Variants in CECR2 observed in about 807,000 individuals in gnomAD.
CECR2 encodes CECR2 histone acetyl-lysine reader, also known as chromatin remodeling regulator CECR2.
Under a neutral mutation model 154.5 loss-of-function variants are expected in CECR2, and 30 were observed. The observed-to-expected ratio is 0.19, with a 90% CI of 0.15 to 0.26. The LOEUF (loss-of-function observed/expected upper bound fraction) is 0.26. Among genes scored for constraint, CECR2 ranks in the 10% least tolerant of loss-of-function variants. The pLI, the probability that CECR2 is intolerant of heterozygous loss-of-function variation, is 1.00. For synonymous variants in CECR2, 725 were observed against 683.7 expected (o/e 1.06, Z -0.94); for missense variants, 1,743 against 1,829.3 (o/e 0.95, Z 0.86).
intron 1 of CECR2, among the ~76,000 whole-genome samples, chr22:17,472,509 G>A (rs982743893): frequency 6.6e-6 from 1 of 152,126 alleles, no homozygotes; most frequent in African/African-American, 2.4e-5. Flanking sequence ...GTAGTAGTTG[G>A]TCCCCGTGCA....
rs1223636581 is a variant in CECR2, at chr22:17,383,770, T to G, written c.126+13861T>G. Reference sequence around the variant, plus strand: ...AACTCCGCTTCCTGGGTTCAAGCAATTCTCCTCCCTCAGCCTCCCGAGTAG... The same window carrying G: ...AACTCCGCTTCCTGGGTTCAAGCAAGTCTCCTCCCTCAGCCTCCCGAGTAG... On this transcript the variant is annotated intron_variant, in intron 1 of 18. Coordinates refer to ENST00000262608, the MANE Select transcript of CECR2 (RefSeq NM_001290047.2). Among the ~76,000 whole-genome samples, 3 of 148,764 alleles carry G rather than the reference T, an allele frequency of 2.0e-5. No homozygotes were observed. In the Admixed American group the frequency reaches 2.1e-4, roughly 10 times the overall value.
At chr22:17,531,294 A>G (rs894134517) in intron 9 of CECR2, among the ~76,000 whole-genome samples, 1 of 152,230 alleles carries the variant, frequency 6.6e-6, no homozygotes, top group African/African-American at 2.4e-5. Flanking sequence ...TGCTAGCACT[A>G]TGAAGGCAGG....
intron 1 of CECR2, among the ~76,000 whole-genome samples, chr22:17,382,463 A>G (rs1385143531): frequency 1.3e-5 from 2 of 152,200 alleles, no homozygotes; most frequent in Non-Finnish European, 2.9e-5. Context: ...GTTCCAGACT[A>G]TTGCCATAAG....
In CECR2 at chr22:17,481,019, G is replaced by A. The variant is rs547089327; in HGVS notation, c.221+3337G>A. On this transcript the variant is annotated intron_variant, in intron 2 of 18. Transcript: ENST00000262608. ...CGCACCATTGCACTCCAGCGTGGGC[G>A]AAAGAGTGAGACTCCATCTCTTTTT... Among the ~76,000 whole-genome samples, 7 of 131,060 alleles carry A rather than the reference G, an allele frequency of 5.3e-5. No individual in the cohort carries two copies. The East Asian group carries it at 6.4e-4, about 12-fold the overall frequency. 86.0% of individuals were successfully genotyped at this position (131,060 alleles called of 152,430 possible). A position where few individuals can be genotyped will look rare whatever the true frequency, so the allele number is the denominator to read the frequency against.
At chr22:17,476,233 G>A (rs1378930183) in intron 1 of CECR2, among the ~76,000 whole-genome samples, 10 of 150,806 alleles carry the variant, frequency 6.6e-5, no homozygotes, top group African/African-American at 1.7e-4. Flanking sequence ...CTCCCATAGC[G>A]TGTTTTCTGT....
In CECR2 at chr22:17,499,399, G is replaced by C; in HGVS notation, c.406-11G>C. 6.2e-7 allele frequency: 1 copy of C among 1,604,498 alleles called. No individual in the cohort carries two copies. Among genetic ancestry groups the C allele is most frequent in the Non-Finnish European group, 8.5e-7 (1 of 1,177,358 alleles). ...CCATTTCCCCAAACCCCTTTTCCGT[G>C]CTCTGTGTAGGGCCTGGATGCAGAC... is the stretch of plus-strand genomic sequence containing the variant. On this transcript the variant is annotated splice_polypyrimidine_tract_variant and intron_variant, in intron 3 of 18. Transcript: ENST00000262608.
At position 17,548,244 on chromosome 22, in the gene CECR2, AGACT is replaced by A; in HGVS notation, c.2963_2966del (p.Asp988AlafsTer31). ...CTACCTCACCCCACACCTCCCCTGC[AGACT>A]GACTGCACCAGGCAGAGCTCACCAC... On this transcript the variant is annotated frameshift_variant, in exon 17 of 19. Coordinates refer to ENST00000262608, the MANE Select transcript of CECR2 (RefSeq NM_001290047.2). LOFTEE classifies it high-confidence loss of function. 6.2e-7 allele frequency: 1 copy of A among 1,601,214 alleles called. No homozygotes were observed. Among genetic ancestry groups the A allele is most frequent in the Non-Finnish European group, 8.5e-7 (1 of 1,173,960 alleles).
chr22:17,480,281 A>T (rs559078600), intron 2 of CECR2, among the ~76,000 whole-genome samples: 1 of 152,260 alleles, frequency 6.6e-6, no homozygotes, highest in East Asian at 1.9e-4. Context: ...AAAACCACAA[A>T]AAGTGTAATC....
In CECR2 at chr22:17,552,906, G is replaced by A. The variant is rs544708810; in HGVS notation, c.*66G>A. ...ACGAAGACTGGAATGTGGAGAACTG[G>A]GGAGTGCCCTGTCAGCTCTATTCCC... On this transcript the variant is annotated 3_prime_UTR_variant, in exon 19 of 19. Transcript: ENST00000262608. 9.7e-6 allele frequency: 15 copies of A among 1,539,688 alleles called. No homozygotes were observed. Among genetic ancestry groups the A allele is most frequent in the African/African-American group, 1.4e-5 (1 of 72,104 alleles).
chr22:17,467,306 C>G (rs971527294), intron 1 of CECR2, among the ~76,000 whole-genome samples: 11 of 152,146 alleles, frequency 7.2e-5, no homozygotes, highest in African/African-American at 2.4e-4. Flanking sequence ...ACAATCGGAA[C>G]ACGTGTGAGA....
In CECR2 at chr22:17,524,155, G is replaced by T. The variant is rs138101258; in HGVS notation, c.992G>T (p.Arg331Leu). The T allele has an allele frequency of 1.4e-5, 23 of 1,601,540 alleles. No individual in the cohort carries two copies. Among genetic ancestry groups the T allele is most frequent in the East Asian group, 2.2e-5 (1 of 44,524 alleles). ...PVLTRIEKQK[R>L]KEEEEERQIL... ...CTGACCAGAATAGAAAAACAAAAGC[G>T]CAAAGAGGAGGAAGAAGAGCGTCAG... The change falls in exon 9 of 19, where the codon CGC becomes CTC. Residue 331 changes from arginine to leucine, a missense_variant. Transcript: ENST00000262608.
intron 1 of CECR2, among the ~76,000 whole-genome samples, chr22:17,411,744 G>T (rs2054070928): frequency 6.6e-6 from 1 of 152,024 alleles, no homozygotes; most frequent in African/African-American, 2.4e-5. Context: ...AACATTTTAG[G>T]AAATTGAGAG....
chr22:17,511,846 C>A lies in CECR2; in HGVS notation c.904C>A (p.His302Asn), dbSNP rs750763487. The change falls in exon 8 of 19, where the codon CAT becomes AAT. Residue 302 changes from histidine to asparagine, a missense_variant. Coordinates refer to ENST00000262608, the MANE Select transcript of CECR2 (RefSeq NM_001290047.2). ...KRPQRTKAEL[H>N]PRWMSDHLSI... ...TCCACAGCGCACAAAGGCAGAGTTG[C>A]ATCCTAGGTGGATGTCTGACCACCT... The A allele has an allele frequency of 6.2e-7, 1 of 1,612,024 alleles. No individual in the cohort carries two copies. The highest frequency in any genetic ancestry group is 1.1e-5 in the South Asian group (1 of 90,664).
intron 9 of CECR2, among the ~76,000 whole-genome samples, chr22:17,529,076 A>C (rs1446681069): frequency 6.6e-6 from 1 of 152,166 alleles, no homozygotes; most frequent in Admixed American, 6.5e-5. Flanking sequence ...AGCCTGGGTG[A>C]TAGAGCAAAA....
At chr22:17,364,798 G>C (rs1391709902), upstream of CECR2, among the ~76,000 whole-genome samples, 1 of 152,170 alleles carries the variant, frequency 6.6e-6, no homozygotes, top group East Asian at 1.9e-4. Flanking sequence ...CTGCACTCCA[G>C]CCTCGGCAAC....
rs1365148528 is a variant in CECR2, at chr22:17,554,249, G to GA, written c.*1415dup. 6 of 152,078 alleles carry GA rather than the reference G, an allele frequency of 3.9e-5. No homozygotes were observed. Among genetic ancestry groups the GA allele is most frequent in the African/African-American group, 1.2e-4 (5 of 41,420 alleles). 9.4% of individuals were successfully genotyped at this position (152,078 alleles called of 1,614,324 possible). A position where few individuals can be genotyped will look rare whatever the true frequency, so the allele number is the denominator to read the frequency against. On this transcript the variant is annotated 3_prime_UTR_variant, in exon 19 of 19. Transcript: ENST00000262608. Reference sequence around the variant, plus strand: ...TTAAACTTTTGAATATTCCACAAAAGAAAAAACTAAGGAAAATACTGAAAT... The same window carrying GA: ...TTAAACTTTTGAATATTCCACAAAAGAAAAAAACTAAGGAAAATACTGAAAT...
chr22:17,500,717 A>C lies in CECR2; in HGVS notation c.632A>C (p.Gln211Pro). 1 of 1,553,832 alleles carries C rather than the reference A, an allele frequency of 6.4e-7. No individual in the cohort carries two copies. Among genetic ancestry groups the C allele is most frequent in the East Asian group, 2.4e-5 (1 of 41,258 alleles). ...AGACCCCCAAAACGGAAGAAACTGC[A>C]GGAGGAGATTCTGTTGAGGTAAGAA... is the stretch of plus-strand genomic sequence containing the variant. ...RGRPPKRKKL[Q>P]EEILLSEKQE... Residue 211 changes from glutamine (Q) to proline (P), a missense_variant, in exon 5 of 19, where the codon CAG (glutamine) becomes CCG (proline). Physicochemically the swap from Gln to Pro is moderately conservative, Grantham distance 76 (BLOSUM62 -1). Coordinates refer to ENST00000262608, the MANE Select transcript of CECR2 (RefSeq NM_001290047.2).
In CECR2 at chr22:17,548,989, G is replaced by T. The variant is rs200293030; in HGVS notation, c.3702G>T (p.Arg1234Ser). ...CAGCCAGTCAGCCTCCCCCACCAAGGTCCCTCTTCTCAGATAAGAATGCCA... is the reference window on the plus strand; with the variant it reads ...CAGCCAGTCAGCCTCCCCCACCAAGTTCCCTCTTCTCAGATAAGAATGCCA... ...GPPASQPPPP[R>S]SLFSDKNAMA... The change falls in exon 17 of 19, where the codon AGG (arginine) becomes AGT (serine). Residue 1234 changes from arginine to serine, a missense_variant. By Grantham distance (110) the Arg-to-Ser change is moderately radical (BLOSUM62 -1). Around this residue, in one of 4 missense-constraint regions of CECR2, gnomAD observed 1,250 missense variants for 1,192.1 expected, o/e 1.05. Transcript: ENST00000262608. The T allele has an allele frequency of 1.9e-4, 309 of 1,613,770 alleles. No individual in the cohort carries two copies. Among genetic ancestry groups the T allele is most frequent in the Non-Finnish European group, 2.6e-4 (301 of 1,179,882 alleles).
chr22:17,384,439 A>T (rs933980051), intron 1 of CECR2, among the ~76,000 whole-genome samples: 13 of 152,188 alleles, frequency 8.5e-5, no homozygotes, highest in African/African-American at 3.1e-4. Flanking sequence ...TTCTTGATCC[A>T]TGGGCTTGCA....
Sources: gnomAD v4.1 joint callset for allele counts (sites outside exome capture counted in the v4.1 genomes callset) on GRCh38, gnomAD v4.1.1 for gene constraint, gnomAD v4.1.1 regional missense constraint, MANE v1.5 for transcripts, NCBI Gene and HGNC (gene_info 2026-07-23, HGNC 2026-07-21) for gene names.